Variants in RREB1 observed in about 807,000 individuals in gnomAD.
RREB1 encodes ras responsive element binding protein 1.
In RREB1, 27 loss-of-function variants were observed where a neutral mutation model predicts 117.8. The ratio of observed to expected loss-of-function variants is 0.23; its 90% CI spans 0.17 to 0.32. The LOEUF (loss-of-function observed/expected upper bound fraction) is 0.32, where lower values mean the gene tolerates loss of function less well. Ranked by LOEUF, RREB1 falls within the 10% of genes least tolerant of loss-of-function variation. The pLI, the probability that RREB1 is intolerant of heterozygous loss-of-function variation, is 1.00. For missense variants in RREB1, 2,577 were observed against 2,378.2 expected (o/e 1.08, Z -1.74); for synonymous variants, 1,298 against 1,026.7 (o/e 1.26, Z -5.05).
chr6:7,121,111 A>G (rs1451734023), intron 1 of RREB1, among the ~76,000 whole-genome samples: 1 of 152,124 alleles, frequency 6.6e-6, no homozygotes. Flanking sequence ...GGCGTGAGCC[A>G]CTGCGCCTGG....
intron 1 of RREB1, among the ~76,000 whole-genome samples, chr6:7,110,801 TTGCTGGATGTGTAATACTCTTAAGAAA>T (rs1447834472): frequency 6.6e-6 from 1 of 152,246 alleles, no homozygotes; most frequent in Non-Finnish European, 1.5e-5. Flanking sequence ...TAAAGAGGAT[TTGCTGGATGTGTAATACTCTTAAGAAA>T]TGCTGCCGAT....
chr6:7,169,792 A>T (rs1375425861), intron 1 of RREB1, among the ~76,000 whole-genome samples: 3 of 152,164 alleles, frequency 2.0e-5, no homozygotes, highest in African/African-American at 7.2e-5. Flanking sequence ...AGAGAGGTGC[A>T]GGAAGAAGAA....
chr6:7,208,151 C>T (rs1401854274), intron 6 of RREB1, among the ~76,000 whole-genome samples: 1 of 152,168 alleles, frequency 6.6e-6, no homozygotes, highest in African/African-American at 2.4e-5. Flanking sequence ...AAAGACAAGA[C>T]CCAAGCCTTC....
At chr6:7,145,291 A>G (rs775101123) in intron 1 of RREB1, among the ~76,000 whole-genome samples, 1 of 152,178 alleles carries the variant, frequency 6.6e-6, no homozygotes, top group Non-Finnish European at 1.5e-5. Context: ...CAACTGAGCA[A>G]AGTCTCCTTG....
At position 7,248,724 on chromosome 6, in the gene RREB1, A is replaced by G. The variant is rs966469009; in HGVS notation, c.4985A>G (p.Asn1662Ser). ...GAGAACGAGGCTGAGCTGGCTCCCA[A>G]TGCCAGCAACCACATGGCTGTCACC... is the stretch of plus-strand genomic sequence containing the variant. ...VSENEAELAP[N>S]ASNHMAVTRS... Residue 1662 changes from asparagine to serine, a missense_variant, in exon 13 of 13, where the codon AAT (asparagine) becomes AGT (serine). Asn to Ser is a conservative substitution (Grantham distance 46). Coordinates refer to ENST00000379938, the MANE Select transcript of RREB1 (RefSeq NM_001003699.4). 4 of 1,614,176 alleles carry G rather than the reference A, an allele frequency of 2.5e-6. No individual in the cohort carries two copies. In the South Asian group the frequency reaches 3.3e-5, roughly 13 times the overall value.
chr6:7,123,671 C>T (rs191384330), intron 1 of RREB1, among the ~76,000 whole-genome samples: 5 of 133,028 alleles, frequency 3.8e-5, no homozygotes, highest in Admixed American at 2.6e-4. Flanking sequence ...GGTGCAGTGG[C>T]GTGACCTCAG....
chr6:7,128,656 T>C (rs1762031973), intron 1 of RREB1, among the ~76,000 whole-genome samples: 1 of 151,468 alleles, frequency 6.6e-6, no homozygotes, highest in South Asian at 2.1e-4. Flanking sequence ...CTGGAGAGTT[T>C]CTACCACTTG....
chr6:7,151,940 A>G (rs969715446), intron 1 of RREB1, among the ~76,000 whole-genome samples: 5 of 152,264 alleles, frequency 3.3e-5, no homozygotes, highest in African/African-American at 1.2e-4. Flanking sequence ...AAACCAAGCA[A>G]GTGAAATCAC....
intron 1 of RREB1, among the ~76,000 whole-genome samples, chr6:7,158,540 A>C (rs1220818995): frequency 1.3e-5 from 2 of 152,200 alleles, no homozygotes; most frequent in South Asian, 4.1e-4. Flanking sequence ...CTTCCTGGGT[A>C]TCAGCTCCCT....
At chr6:7,183,512 A>G (rs1764913439) in intron 4 of RREB1, 1 of 152,212 alleles carries the variant, frequency 6.6e-6, no homozygotes, top group Non-Finnish European at 1.5e-5. Flanking sequence ...TGATAGGAAG[A>G]GCTTTTCCTC....
intron 1 of RREB1, among the ~76,000 whole-genome samples, chr6:7,120,474 G>A (rs955027050): frequency 2.0e-5 from 3 of 152,000 alleles, no homozygotes; most frequent in African/African-American, 7.2e-5. Flanking sequence ...AAAAGTACAT[G>A]GCATGGATGA....
intron 10 of RREB1, among the ~76,000 whole-genome samples, chr6:7,235,498 T>G (rs1474578123): frequency 6.6e-6 from 1 of 152,226 alleles, no homozygotes; most frequent in East Asian, 1.9e-4. Flanking sequence ...TTTTTCTAGT[T>G]TTTTGCTTTT....
Position 7,248,587 on chromosome 6 carries a change from C to G in RREB1, c.4848C>G (p.Ile1616Met). 1 of 1,614,268 alleles carries G rather than the reference C, an allele frequency of 6.2e-7. No homozygotes were observed. The highest frequency in any genetic ancestry group is 1.3e-5 in the African/African-American group (1 of 75,066). Reference sequence around the variant, plus strand: ...ACAGCCTGGTTCGCCACCAGCGGATCCACCAGAAAGCCAGGCATGCCAAAC... The same window carrying G: ...ACAGCCTGGTTCGCCACCAGCGGATGCACCAGAAAGCCAGGCATGCCAAAC... ...LKHSLVRHQRIHQKARHAKHH... is the reference protein window; with the variant it reads ...LKHSLVRHQRMHQKARHAKHH... The change falls in exon 13 of 13, where the codon ATC (isoleucine) becomes ATG (methionine). Residue 1616 changes from isoleucine (I) to methionine (M), a missense_variant. Ile to Met is a conservative substitution (Grantham distance 10). Transcript: ENST00000379938.
At chr6:7,117,763 C>T (rs769323562) in intron 1 of RREB1, among the ~76,000 whole-genome samples, 28 of 152,060 alleles carry the variant, frequency 1.8e-4, no homozygotes, top group Non-Finnish European at 3.8e-4. Context: ...GAGACAGGGT[C>T]TCTCTATGTT....
chr6:7,204,394 C>A (rs1766158068), intron 6 of RREB1, among the ~76,000 whole-genome samples: 1 of 152,010 alleles, frequency 6.6e-6, no homozygotes, highest in Admixed American at 6.6e-5. Flanking sequence ...CACAGCCCTC[C>A]ACACTGAACT....
chr6:7,246,803 C>T lies in RREB1; in HGVS notation c.4353C>T (p.Asp1451=), dbSNP rs1036071847. The change falls in exon 12 of 13, where the codon GAC becomes GAT. Residue 1451 remains aspartate (D), a synonymous_variant. Coordinates refer to ENST00000379938, the MANE Select transcript of RREB1 (RefSeq NM_001003699.4). The stretch of plus-strand genomic sequence containing the variant: ...CGCAGGAGCAGAAGCTCGCCTGCGA[C>T]ACCTGTGGGAAGAGCTTCAAGTTCC... ...AASQEQKLAC[D]TCGKSFKFLG... The T allele has an allele frequency of 7.1e-6, 11 of 1,552,508 alleles. No homozygotes were observed. The highest frequency in any genetic ancestry group is 4.8e-5 in the East Asian group (2 of 41,340).
intron 11 of RREB1, among the ~76,000 whole-genome samples, chr6:7,241,469 AC>A (rs1257429927): frequency 2.0e-5 from 3 of 151,636 alleles, no homozygotes; most frequent in Non-Finnish European, 4.4e-5. Context: ...AGTCTTGAAA[AC>A]CTGACACTAT....
At chr6:7,201,779 A>G (rs1003310350) in intron 6 of RREB1, among the ~76,000 whole-genome samples, 1 of 152,154 alleles carries the variant, frequency 6.6e-6, no homozygotes, top group African/African-American at 2.4e-5. Context: ...TCATGCTTAT[A>G]TAACCCAGCT....
At position 7,251,130 on chromosome 6, in the gene RREB1, T is replaced by C. The variant is rs908749680; in HGVS notation, c.*2162T>C. On this transcript the variant is annotated 3_prime_UTR_variant, in exon 13 of 13. Transcript: ENST00000379938. ...ACGCTGCGGTGAGATGTAGCAGTAA[T>C]CAGCTCCCAGCGACGTGTGTAGCTG... is the stretch of plus-strand genomic sequence containing the variant. 1 of 152,184 alleles carries C rather than the reference T, an allele frequency of 6.6e-6. No individual in the cohort carries two copies. Among genetic ancestry groups the C allele is most frequent in the East Asian group, 1.9e-4 (1 of 5,196 alleles). 9.4% of individuals were successfully genotyped at this position (152,184 alleles called of 1,614,324 possible).
Sources: gnomAD v4.1 joint callset for allele counts (sites outside exome capture counted in the v4.1 genomes callset) on GRCh38, gnomAD v4.1.1 for gene constraint, MANE v1.5 for transcripts, NCBI Gene and HGNC (gene_info 2026-07-23, HGNC 2026-07-21) for gene names.